CEP112: variants seen among roughly 807,000 people sequenced by gnomAD.
The protein encoded by CEP112 is centrosomal protein of 112 kDa.
In CEP112, 127 loss-of-function variants were observed where a neutral mutation model predicts 153.0. That is an observed-to-expected ratio of 0.83 (90% CI 0.72 to 0.96). The LOEUF (loss-of-function observed/expected upper bound fraction) is 0.96, where lower values mean the gene tolerates loss of function less well. Among genes scored for constraint, CEP112 ranks in the 40% least tolerant of loss-of-function variants. CEP112 has a pLI of 0.00. For synonymous variants in CEP112, 358 were observed against 374.4 expected (o/e 0.96, Z 0.51); for missense variants, 1,089 against 1,101.2 (o/e 0.99, Z 0.16).
intron 17 of CEP112, among the ~76,000 whole-genome samples, chr17:65,971,689 T>C (rs2062839726): frequency 6.6e-6 from 1 of 152,178 alleles, no homozygotes; most frequent in Non-Finnish European, 1.5e-5. Context: ...ATTACATGCG[T>C]GTATATTACA....
At chr17:66,135,675 G>C (rs2070401405) in intron 4 of CEP112, among the ~76,000 whole-genome samples, 2 of 152,088 alleles carry the variant, frequency 1.3e-5, no homozygotes, top group African/African-American at 4.8e-5. Flanking sequence ...CTACTCTTAA[G>C]CCATAAAACT....
intron 21 of CEP112, among the ~76,000 whole-genome samples, chr17:65,781,058 T>G (rs375733384): frequency 5.9e-5 from 9 of 152,122 alleles, no homozygotes; most frequent in African/African-American, 2.2e-4. Context: ...GTCTCAATAC[T>G]TAACAAAAGC....
At chr17:66,012,554 C>T (rs762960557) in intron 16 of CEP112, among the ~76,000 whole-genome samples, 1 of 152,132 alleles carries the variant, frequency 6.6e-6, no homozygotes, top group Non-Finnish European at 1.5e-5. Flanking sequence ...TGAATATAGG[C>T]CCCCAATGTC....
At chr17:66,170,809 A>G (rs966856395) in intron 4 of CEP112, among the ~76,000 whole-genome samples, 1 of 152,122 alleles carries the variant, frequency 6.6e-6, no homozygotes, top group African/African-American at 2.4e-5. Context: ...ATTTGACATA[A>G]AAATGCAGTA....
At chr17:65,823,024 A>C (rs1442651979) in intron 21 of CEP112, among the ~76,000 whole-genome samples, 2 of 152,146 alleles carry the variant, frequency 1.3e-5, no homozygotes, top group South Asian at 2.1e-4. Context: ...CTAGATGCTG[A>C]AAACTATAAA....
chr17:65,793,356 G>A (rs1290365692), intron 21 of CEP112, among the ~76,000 whole-genome samples: 3 of 152,110 alleles, frequency 2.0e-5, no homozygotes, highest in Non-Finnish European at 2.9e-5. Context: ...GTGGGAGAAG[G>A]GAGAGCATCA....
At chr17:65,752,478 T>G (rs1181321239) in intron 21 of CEP112, among the ~76,000 whole-genome samples, 1 of 152,164 alleles carries the variant, frequency 6.6e-6, no homozygotes, top group East Asian at 1.9e-4. Flanking sequence ...CATCAAGGTG[T>G]TCAGGAGAGT....
intron 4 of CEP112, among the ~76,000 whole-genome samples, chr17:66,134,993 T>C (rs1197931256): frequency 6.6e-6 from 1 of 152,214 alleles, no homozygotes; most frequent in African/African-American, 2.4e-5. Context: ...GATGATCCAA[T>C]GTATTAGTTT....
At chr17:66,018,508 T>G (rs902384327) in intron 16 of CEP112, among the ~76,000 whole-genome samples, 1 of 152,200 alleles carries the variant, frequency 6.6e-6, no homozygotes, top group African/African-American at 2.4e-5. Flanking sequence ...CTATGACCTC[T>G]GCTTCCCAAT....
chr17:65,686,120 T>A, intron 24 of CEP112, among the ~76,000 whole-genome samples: 1 of 150,244 alleles, frequency 6.7e-6, no homozygotes, highest in Admixed American at 6.6e-5. Flanking sequence ...TGGCTTTTTT[T>A]TTTTTTTTTT....
intron 20 of CEP112, among the ~76,000 whole-genome samples, chr17:65,881,929 C>T (rs936418873): frequency 1.3e-5 from 2 of 152,196 alleles, no homozygotes; most frequent in Non-Finnish European, 2.9e-5. Context: ...ATCAGTAGCA[C>T]AATTCACTCC....
At chr17:65,774,128 C>T (rs1011412661) in intron 21 of CEP112, among the ~76,000 whole-genome samples, 5 of 151,036 alleles carry the variant, frequency 3.3e-5, no homozygotes, top group African/African-American at 1.2e-4. Context: ...AAACGATAAC[C>T]AGGGCTGACT....
intron 4 of CEP112, among the ~76,000 whole-genome samples, chr17:66,150,985 T>A (rs2071185377): frequency 6.6e-6 from 1 of 152,228 alleles, no homozygotes; most frequent in South Asian, 2.1e-4. Flanking sequence ...GTCTATTTTA[T>A]CTGATATTCA....
At chr17:65,968,736 A>T (rs2062507850) in intron 17 of CEP112, among the ~76,000 whole-genome samples, 1 of 152,212 alleles carries the variant, frequency 6.6e-6, no homozygotes, top group South Asian at 2.1e-4. Context: ...TAGTTAAGTG[A>T]TTTGCTCAAG....
intron 24 of CEP112, among the ~76,000 whole-genome samples, chr17:65,653,671 A>G (rs548896006): frequency 2.0e-5 from 3 of 152,320 alleles, no homozygotes; most frequent in African/African-American, 7.2e-5. Flanking sequence ...TGTAACATAA[A>G]CAGGAATGTG....
chr17:66,150,942 CTATT>C (rs1346717399), intron 4 of CEP112, among the ~76,000 whole-genome samples: 2 of 152,056 alleles, frequency 1.3e-5, no homozygotes, highest in Non-Finnish European at 2.9e-5. Context: ...TACAAAATGA[CTATT>C]TGTCTTATAA....
intron 23 of CEP112, among the ~76,000 whole-genome samples, chr17:65,697,443 G>A (rs1041101839): frequency 1.3e-5 from 2 of 152,094 alleles, no homozygotes; most frequent in Admixed American, 6.5e-5. Flanking sequence ...AACAGTAAAT[G>A]TTTTTCTTTC....
At chr17:65,738,162 T>C (rs2050911498) in intron 23 of CEP112, among the ~76,000 whole-genome samples, 1 of 152,134 alleles carries the variant, frequency 6.6e-6, no homozygotes, top group African/African-American at 2.4e-5. Context: ...GTAAAAACTG[T>C]GGGAATGGCG....
At chr17:65,733,555 G>A (rs781570426) in intron 23 of CEP112, among the ~76,000 whole-genome samples, 8 of 152,130 alleles carry the variant, frequency 5.3e-5, no homozygotes, top group Non-Finnish European at 8.8e-5. Context: ...CAAGGCGCAC[G>A]ATATTTTTTT....
Sources: allele counts gnomAD v4.1 joint callset (sites outside exome capture counted in the v4.1 genomes callset), GRCh38; gene constraint gnomAD v4.1.1; transcripts MANE v1.5; gene names NCBI Gene and HGNC (gene_info 2026-07-23, HGNC 2026-07-21).